CMTM7: variants seen among roughly 807,000 people sequenced by gnomAD.
CMTM7 encodes the protein CKLF-like MARVEL transmembrane domain-containing protein 7.
Under a neutral mutation model 19.3 loss-of-function variants are expected in CMTM7, and 7 were observed. The observed-to-expected ratio is 0.36, with a 90% CI of 0.21 to 0.68. The LOEUF is 0.68. Among genes scored for constraint, CMTM7 ranks in the 30% least tolerant of loss-of-function variants. CMTM7 has a pLI of 0.60. For synonymous variants in CMTM7, 87 were observed against 99.3 expected (o/e 0.88, Z 0.74); for missense variants, 193 against 232.6 (o/e 0.83, Z 1.11).
chr3:32,453,997 G>A (rs1696871943), intron 4 of CMTM7, among the ~76,000 whole-genome samples: 1 of 152,188 alleles, frequency 6.6e-6, no homozygotes, highest in African/African-American at 2.4e-5. Context: ...GGCTTGGGAG[G>A]TTGCTGCTGA....
chr3:32,428,847 G>A (rs1696472254), intron 1 of CMTM7, among the ~76,000 whole-genome samples: 1 of 152,146 alleles, frequency 6.6e-6, no homozygotes, highest in African/African-American at 2.4e-5. Flanking sequence ...GCACCTGAGA[G>A]TCGTGGAAAG....
chr3:32,448,282 T>C (rs1696780562), intron 2 of CMTM7, among the ~76,000 whole-genome samples: 1 of 152,146 alleles, frequency 6.6e-6, no homozygotes, highest in Non-Finnish European at 1.5e-5. Context: ...GTTCTTCAGT[T>C]AAAATCTCTG....
In CMTM7 at chr3:32,412,478, C is replaced by CT. The variant is rs556311419; in HGVS notation, c.159+20414dup. On this transcript the variant is annotated intron_variant, in intron 1 of 4. Transcript: ENST00000334983. ...CTCCAGCCTGGGCAACAGATTGAGA[C>CT]TGACACACACACACACACACACACA... 2.4e-4 allele frequency among the ~76,000 whole-genome samples: 30 copies of CT among 125,436 alleles called. 1 individual carries two copies. In the South Asian group the frequency reaches 8.0e-3, roughly 33 times the overall value. The allele number at this position is 125,436 out of a possible 152,430, so 82.3% of individuals were successfully genotyped here.
chr3:32,407,287 C>G (rs1351657156), intron 1 of CMTM7, among the ~76,000 whole-genome samples: 1 of 152,116 alleles, frequency 6.6e-6, no homozygotes, highest in African/African-American at 2.4e-5. Context: ...TTACAGATCT[C>G]ATAAGATTTT....
chr3:32,424,157 T>A (rs548273862), intron 1 of CMTM7, among the ~76,000 whole-genome samples: 45 of 152,332 alleles, frequency 3.0e-4, no homozygotes, highest in African/African-American at 1.1e-3. Context: ...CAGAGTCATC[T>A]GAAGGCTTAC....
At chr3:32,393,036 G>T (rs1421520781) in intron 1 of CMTM7, among the ~76,000 whole-genome samples, 1 of 152,140 alleles carries the variant, frequency 6.6e-6, no homozygotes, top group African/African-American at 2.4e-5. Flanking sequence ...GGAGCGGTAA[G>T]TTTCAAAAAG....
chr3:32,412,133 G>A (rs980999952), intron 1 of CMTM7, among the ~76,000 whole-genome samples: 3 of 152,166 alleles, frequency 2.0e-5, no homozygotes, highest in African/African-American at 4.8e-5. Flanking sequence ...TAACTGTCTC[G>A]TAGAAGCTGC....
chr3:32,393,627 C>CA (rs1323866359), intron 1 of CMTM7, among the ~76,000 whole-genome samples: 2 of 151,808 alleles, frequency 1.3e-5, no homozygotes, highest in Non-Finnish European at 2.9e-5. Flanking sequence ...CCCATCTCTA[C>CA]AAAAAAAATT....
At chr3:32,434,601 C>CT (rs1205392102) in intron 1 of CMTM7, among the ~76,000 whole-genome samples, 71 of 28,978 alleles carry the variant, frequency 2.5e-3, no homozygotes, top group African/African-American at 5.9e-3. Flanking sequence ...TGCCTCTTTT[C>CT]TTTTCTTTTT....
chr3:32,398,476 G>A (rs959865672), intron 1 of CMTM7, among the ~76,000 whole-genome samples: 1 of 152,110 alleles, frequency 6.6e-6, no homozygotes, highest in African/African-American at 2.4e-5. Flanking sequence ...AAAGAAGACA[G>A]ATGAGCCCCT....
At chr3:32,412,795 C>A (rs534438587) in intron 1 of CMTM7, among the ~76,000 whole-genome samples, 2 of 152,198 alleles carry the variant, frequency 1.3e-5, no homozygotes, top group African/African-American at 4.8e-5. Context: ...AGGGCTGTTA[C>A]CCTACTGACA....
intron 1 of CMTM7, among the ~76,000 whole-genome samples, chr3:32,438,605 C>T (rs1048080973): frequency 6.6e-6 from 1 of 152,096 alleles, no homozygotes; most frequent in Admixed American, 6.5e-5. Flanking sequence ...CATACTCTGG[C>T]TAAATTAGAT....
intron 1 of CMTM7, among the ~76,000 whole-genome samples, chr3:32,396,036 A>G (rs1363721638): frequency 6.6e-6 from 1 of 152,218 alleles, no homozygotes; most frequent in Non-Finnish European, 1.5e-5. Context: ...AAAGCCAACC[A>G]CAAAAGACCA....
intron 1 of CMTM7, among the ~76,000 whole-genome samples, chr3:32,422,176 C>G (rs1228768948): frequency 6.6e-6 from 1 of 152,220 alleles, no homozygotes. Flanking sequence ...TCATCCGTGA[C>G]ACATGCTTAC....
Position 32,411,480 on chromosome 3 carries a change from T to C in CMTM7, c.159+19415T>C, listed in dbSNP as rs1275559199. Among the ~76,000 whole-genome samples the C allele has an allele frequency of 2.0e-5, 3 of 152,330 alleles. No individual in the cohort carries two copies. In the East Asian group the frequency reaches 5.8e-4, roughly 29 times the overall value. ...TTTCTACACAAGCTATTGTCCTCTA[T>C]GCTATCAAGAGTGTGAGCCATGCAG... On this transcript the variant is annotated intron_variant, in intron 1 of 4. Coordinates refer to ENST00000334983, the MANE Select transcript of CMTM7 (RefSeq NM_138410.4).
chr3:32,392,183 C>G, intron 1 of CMTM7, 118 bp downstream of exon 1: 1 of 800,024 alleles, frequency 1.2e-6, no homozygotes. Flanking sequence ...CATCGCGCAG[C>G]GGGCGGGGCA....
intron 1 of CMTM7, among the ~76,000 whole-genome samples, chr3:32,424,541 C>T (rs1696397481): frequency 6.6e-6 from 1 of 152,170 alleles, no homozygotes; most frequent in South Asian, 2.1e-4. Flanking sequence ...CTTTTATACC[C>T]CATTACCAAG....
intron 1 of CMTM7, among the ~76,000 whole-genome samples, chr3:32,401,857 G>T (rs1167607172): frequency 6.6e-6 from 1 of 152,236 alleles, no homozygotes; most frequent in Admixed American, 6.5e-5. Flanking sequence ...CAGCCCGGGG[G>T]CTGCGGAGCG....
chr3:32,396,742 TAGA>T (rs969817411), intron 1 of CMTM7, among the ~76,000 whole-genome samples: 9 of 152,282 alleles, frequency 5.9e-5, no homozygotes, highest in South Asian at 2.1e-4. Flanking sequence ...CATCCACTCC[TAGA>T]AGAAGGAGTG....
Sources: gnomAD v4.1 joint callset for allele counts (sites outside exome capture counted in the v4.1 genomes callset) on GRCh38, gnomAD v4.1.1 for gene constraint, MANE v1.5 for transcripts, NCBI Gene and HGNC (gene_info 2026-07-23, HGNC 2026-07-21) for gene names.